PTPRT: variants seen among roughly 807,000 people sequenced by gnomAD.
PTPRT encodes the protein protein tyrosine phosphatase receptor type T.
PTPRT carries 56 observed loss-of-function variants against 176.8 expected under a neutral mutation model. The observed-to-expected ratio is 0.32, with a 90% CI of 0.26 to 0.40. The LOEUF (loss-of-function observed/expected upper bound fraction) is 0.40, where lower values mean the gene tolerates loss of function less well. PTPRT is among the 10% of genes least tolerant of loss of function. The probability of loss-of-function intolerance (pLI) is 1.00; values close to 1 mark genes in which losing one functional copy is unlikely to be tolerated. For missense variants in PTPRT, 1,540 were observed against 1,908.2 expected, an observed-to-expected ratio of 0.81 and a Z score of 3.60; for synonymous variants, 783 against 739.0, an observed-to-expected ratio of 1.06 and a Z score of -0.96.
intron 1 of PTPRT, among the ~76,000 whole-genome samples, chr20:43,013,176 C>G (rs934699530): frequency 2.6e-5 from 4 of 151,944 alleles, no homozygotes; most frequent in Non-Finnish European, 4.4e-5. Flanking sequence ...TTTTCACTCT[C>G]TAATAACTCA....
At chr20:43,051,466 T>C (rs578177331) in intron 1 of PTPRT, among the ~76,000 whole-genome samples, 1 of 152,096 alleles carries the variant, frequency 6.6e-6, no homozygotes, top group South Asian at 2.1e-4. Context: ...CTTACTGCCA[T>C]AAAATGTTCT....
intron 1 of PTPRT, among the ~76,000 whole-genome samples, chr20:43,026,541 CAT>C (rs1985921605): frequency 6.6e-6 from 1 of 152,160 alleles, no homozygotes; most frequent in African/African-American, 2.4e-5. Context: ...CCATAATAAT[CAT>C]AATCTTAAGT....
At chr20:42,335,359 A>G (rs1192175983) in intron 11 of PTPRT, among the ~76,000 whole-genome samples, 1 of 152,048 alleles carries the variant, frequency 6.6e-6, no homozygotes, top group Admixed American at 6.6e-5. Flanking sequence ...CTTTCTCAAC[A>G]CCTTACTTTT....
At chr20:42,902,375 T>G (rs538696994) in intron 1 of PTPRT, among the ~76,000 whole-genome samples, 1 of 151,804 alleles carries the variant, frequency 6.6e-6, no homozygotes, top group East Asian at 1.9e-4. Flanking sequence ...AACTCTGGAG[T>G]GCCCTTTGAC....
chr20:42,783,637 A>G (rs1022043866), intron 3 of PTPRT, among the ~76,000 whole-genome samples: 5 of 152,126 alleles, frequency 3.3e-5, no homozygotes, highest in African/African-American at 1.2e-4. Flanking sequence ...AGGGACAGAC[A>G]CCACAAGGGG....
chr20:43,035,209 T>C (rs563369766), intron 1 of PTPRT, among the ~76,000 whole-genome samples: 1 of 152,142 alleles, frequency 6.6e-6, no homozygotes, highest in East Asian at 1.9e-4. Flanking sequence ...CACCAAGCCA[T>C]GAACACACCT....
chr20:42,610,312 T>C (rs557208346), intron 7 of PTPRT, among the ~76,000 whole-genome samples: 10 of 152,278 alleles, frequency 6.6e-5, no homozygotes, highest in Non-Finnish European at 1.0e-4. Flanking sequence ...AGGCTCAGTG[T>C]CTCTTTTTGG....
At chr20:42,306,698 G>A (rs1450381616) in intron 12 of PTPRT, among the ~76,000 whole-genome samples, 2 of 152,188 alleles carry the variant, frequency 1.3e-5, no homozygotes, top group Non-Finnish European at 1.5e-5. Flanking sequence ...GGGTGGTACA[G>A]GTCTAAGGTC....
chr20:43,050,450 C>T (rs529013921), intron 1 of PTPRT, among the ~76,000 whole-genome samples: 21 of 152,282 alleles, frequency 1.4e-4, no homozygotes, highest in African/African-American at 4.8e-4. Context: ...CCAGGCAGGG[C>T]GTTCACAGGC....
intron 17 of PTPRT, among the ~76,000 whole-genome samples, chr20:42,142,347 A>G (rs1988667571): frequency 6.6e-6 from 1 of 152,222 alleles, no homozygotes; most frequent in South Asian, 2.1e-4. Flanking sequence ...CTAGGGATAT[A>G]GAGAAACAGA....
chr20:42,847,366 C>T (rs2078391724), intron 2 of PTPRT, among the ~76,000 whole-genome samples: 1 of 152,136 alleles, frequency 6.6e-6, no homozygotes, highest in Non-Finnish European at 1.5e-5. Context: ...ACAGAACACT[C>T]TTACTCCCCG....
chr20:42,625,517 T>A (rs2074273822), intron 7 of PTPRT, among the ~76,000 whole-genome samples: 1 of 151,920 alleles, frequency 6.6e-6, no homozygotes, highest in Non-Finnish European at 1.5e-5. Flanking sequence ...TGTTTGTCAG[T>A]CTCTGTCTTC....
intron 7 of PTPRT, among the ~76,000 whole-genome samples, chr20:42,534,155 G>T (rs1211111401): frequency 6.6e-6 from 1 of 152,218 alleles, no homozygotes; most frequent in Non-Finnish European, 1.5e-5. Context: ...GTGAGGGAAA[G>T]AAATCAGACA....
At chr20:42,879,759 G>A (rs576972769) in intron 2 of PTPRT, among the ~76,000 whole-genome samples, 18 of 145,544 alleles carry the variant, frequency 1.2e-4, no homozygotes, top group South Asian at 6.6e-4. Context: ...GTGTGTGTGC[G>A]CGTGTGTGTG....
chr20:42,559,385 GCA>G (rs1431638627), intron 7 of PTPRT, among the ~76,000 whole-genome samples: 5 of 152,164 alleles, frequency 3.3e-5, no homozygotes, highest in Non-Finnish European at 7.3e-5. Context: ...TGTAACTTAT[GCA>G]AAGCAGCTAG....
intron 15 of PTPRT, among the ~76,000 whole-genome samples, chr20:42,232,074 A>G (rs1175717188): frequency 6.6e-6 from 1 of 152,164 alleles, no homozygotes; most frequent in Non-Finnish European, 1.5e-5. Context: ...CTACTAAAAA[A>G]GCTCCACGTG....
chr20:42,828,192 T>C (rs2078028258), intron 2 of PTPRT, among the ~76,000 whole-genome samples: 1 of 152,172 alleles, frequency 6.6e-6, no homozygotes, highest in African/African-American at 2.4e-5. Context: ...TGGTCTCAGA[T>C]GGAGATGAGG....
intron 15 of PTPRT, among the ~76,000 whole-genome samples, chr20:42,206,556 A>T (rs1183600095): frequency 1.3e-5 from 2 of 152,212 alleles, no homozygotes; most frequent in Admixed American, 6.5e-5. Context: ...CTCCCACCCG[A>T]ATACTGCGCA....
intron 8 of PTPRT, among the ~76,000 whole-genome samples, chr20:42,461,292 A>T (rs1408928773): frequency 6.6e-6 from 1 of 152,208 alleles, no homozygotes; most frequent in Non-Finnish European, 1.5e-5. Context: ...GTGCCATTGC[A>T]CTCCAGCCTG....
Sources: allele counts gnomAD v4.1 joint callset (sites outside exome capture counted in the v4.1 genomes callset), GRCh38; gene constraint gnomAD v4.1.1; transcripts MANE v1.5; gene names NCBI Gene and HGNC (gene_info 2026-07-23, HGNC 2026-07-21).